Variants in NELL1 observed in about 807,000 individuals in gnomAD.
The protein encoded by NELL1 is neural EGFL like 1, also known as protein kinase C-binding protein NELL1.
In NELL1, 76 loss-of-function variants were observed where a neutral mutation model predicts 107.4. That is an observed-to-expected ratio of 0.71 (90% CI 0.59 to 0.86). NELL1 has a LOEUF of 0.86. Ranked by LOEUF, NELL1 falls within the 40% of genes least tolerant of loss-of-function variation. The pLI is 0.00. For synonymous variants in NELL1, 353 were observed against 341.2 expected, an observed-to-expected ratio of 1.03 and a Z score of -0.38; for missense variants, 1,024 against 1,005.5, an observed-to-expected ratio of 1.02 and a Z score of -0.25.
intron 2 of NELL1, among the ~76,000 whole-genome samples, chr11:20,698,873 A>T (rs184409345): frequency 1.2e-4 from 18 of 152,256 alleles, no homozygotes; most frequent in African/African-American, 4.3e-4. Flanking sequence ...GCTCCCACTT[A>T]TAAGTTATAC....
chr11:21,190,678 A>C (rs1199603484), intron 13 of NELL1, among the ~76,000 whole-genome samples: 1 of 151,896 alleles, frequency 6.6e-6, no homozygotes, highest in Non-Finnish European at 1.5e-5. Context: ...GCTCAGGGAC[A>C]GCCCTGGAAA....
In NELL1 at chr11:20,887,418, A is replaced by G. The variant is rs76149333; in HGVS notation, c.603+1878A>G. On this transcript the variant is annotated intron_variant, in intron 5 of 19. Coordinates refer to ENST00000357134, the MANE Select transcript of NELL1 (RefSeq NM_006157.5). ...ATGTTTAAATTCACAGGCAACTGCT[A>G]AACCATTTTTCAAAGCAGCTGTGCC... Among the ~76,000 whole-genome samples, 519 of 152,354 alleles carry G rather than the reference A, an allele frequency of 3.4e-3. 4 individuals carry two copies. Among genetic ancestry groups the G allele is most frequent in the African/African-American group, 0.012 (495 of 41,586 alleles).
intron 5 of NELL1, among the ~76,000 whole-genome samples, chr11:20,903,067 T>A (rs115803601): frequency 6.6e-6 from 1 of 152,206 alleles, no homozygotes; most frequent in East Asian, 1.9e-4. Flanking sequence ...CTCAAGTGTT[T>A]GCTATATGTT....
At chr11:20,825,493 AC>A (rs1857861636) in intron 3 of NELL1, among the ~76,000 whole-genome samples, 1 of 151,450 alleles carries the variant, frequency 6.6e-6, no homozygotes, top group African/African-American at 2.4e-5. Context: ...CATCTGTGTG[AC>A]CTGGATGTGA....
chr11:21,195,924 CA>C (rs1400246935), intron 13 of NELL1, among the ~76,000 whole-genome samples: 3 of 152,184 alleles, frequency 2.0e-5, no homozygotes, highest in Non-Finnish European at 4.4e-5. Context: ...TACTATTTTT[CA>C]GCATGAAGTG....
chr11:20,758,768 G>C (rs1313521599), intron 2 of NELL1, among the ~76,000 whole-genome samples: 1 of 152,200 alleles, frequency 6.6e-6, no homozygotes. Context: ...GATTACAGTA[G>C]TGCCCCTAAG....
chr11:21,342,010 A>G (rs1317209515), intron 14 of NELL1, among the ~76,000 whole-genome samples: 4 of 152,228 alleles, frequency 2.6e-5, no homozygotes, highest in Non-Finnish European at 5.9e-5. Context: ...CTTCCATAAT[A>G]TAGCTTCACT....
intron 13 of NELL1, among the ~76,000 whole-genome samples, chr11:21,144,979 G>A (rs1417319354): frequency 6.6e-6 from 1 of 152,050 alleles, no homozygotes; most frequent in Non-Finnish European, 1.5e-5. Flanking sequence ...TAACCTCTTT[G>A]CACCTCAGTT....
At chr11:21,473,715 G>A (rs7948781) in intron 15 of NELL1, among the ~76,000 whole-genome samples, 132,568 of 151,736 alleles carry the variant, frequency 0.87, 57,954 homozygotes, top group East Asian at 0.98. Flanking sequence ...TATGCGATCA[G>A]TTCAGTTTTT....
intron 13 of NELL1, among the ~76,000 whole-genome samples, chr11:21,220,137 G>A (rs1857717490): frequency 6.6e-6 from 1 of 152,170 alleles, no homozygotes; most frequent in South Asian, 2.1e-4. Context: ...ATGAGGTTTG[G>A]GCAGGGACAC....
At chr11:20,820,950 A>G (rs1857737610) in intron 3 of NELL1, among the ~76,000 whole-genome samples, 1 of 152,210 alleles carries the variant, frequency 6.6e-6, no homozygotes, top group South Asian at 2.1e-4. Flanking sequence ...AAACAACTCA[A>G]GTGCAGAAAC....
At chr11:21,082,721 C>A (rs147490448) in intron 12 of NELL1, among the ~76,000 whole-genome samples, 7 of 152,128 alleles carry the variant, frequency 4.6e-5, no homozygotes, top group South Asian at 2.1e-4. Context: ...TCCCCTCCCC[C>A]CAAAAAAACA....
At chr11:21,563,463 T>A (rs10741887) in intron 17 of NELL1, among the ~76,000 whole-genome samples, 1 of 151,996 alleles carries the variant, frequency 6.6e-6, no homozygotes, top group African/African-American at 2.4e-5. Flanking sequence ...AAGCATAGTC[T>A]GCCCTCTGTA....
At chr11:21,002,387 G>A (rs1426724405) in intron 12 of NELL1, among the ~76,000 whole-genome samples, 1 of 136,864 alleles carries the variant, frequency 7.3e-6, no homozygotes, top group Non-Finnish European at 1.5e-5. Context: ...GCCTATAGCA[G>A]GGAAATGCTG....
At chr11:20,704,915 G>C (rs1005624739) in intron 2 of NELL1, among the ~76,000 whole-genome samples, 1 of 152,132 alleles carries the variant, frequency 6.6e-6, no homozygotes, top group African/African-American at 2.4e-5. Context: ...ATTCACAATT[G>C]CTTCAAAGAG....
At chr11:21,074,429 G>A (rs1418699588) in intron 12 of NELL1, among the ~76,000 whole-genome samples, 1 of 152,022 alleles carries the variant, frequency 6.6e-6, no homozygotes, top group Non-Finnish European at 1.5e-5. Context: ...TCAGAAGTTG[G>A]GGGCTGTGGT....
intron 14 of NELL1, among the ~76,000 whole-genome samples, chr11:21,344,158 A>G (rs1022525689): frequency 2.0e-5 from 3 of 152,160 alleles, no homozygotes; most frequent in African/African-American, 7.2e-5. Flanking sequence ...TTGCCCTCAA[A>G]TGTTGTGGCT....
intron 11 of NELL1, among the ~76,000 whole-genome samples, chr11:20,959,104 C>G (rs1182629960): frequency 2.0e-5 from 3 of 152,132 alleles, no homozygotes; most frequent in Admixed American, 2.0e-4. Flanking sequence ...TGAATGAACC[C>G]ATAGCTAAAG....
chr11:21,189,297 G>T (rs1308594803), intron 13 of NELL1, among the ~76,000 whole-genome samples: 1 of 151,724 alleles, frequency 6.6e-6, no homozygotes, highest in Non-Finnish European at 1.5e-5. Context: ...TCTTTAATTT[G>T]CCTTGATATT....
Sources: gnomAD v4.1 joint callset for allele counts (sites outside exome capture counted in the v4.1 genomes callset) on GRCh38, gnomAD v4.1.1 for gene constraint, MANE v1.5 for transcripts, NCBI Gene and HGNC (gene_info 2026-07-23, HGNC 2026-07-21) for gene names.